HIPK2: variants seen among roughly 807,000 people sequenced by gnomAD.
The protein encoded by HIPK2 is homeodomain interacting protein kinase 2.
A neutral mutation model predicts 113.7 loss-of-function variants in HIPK2; 27 were observed. The observed-to-expected ratio is 0.24, with a 90% CI of 0.17 to 0.33. The LOEUF (loss-of-function observed/expected upper bound fraction) is 0.33, where lower values mean the gene tolerates loss of function less well. Ranked by LOEUF, HIPK2 falls within the 10% of genes least tolerant of loss-of-function variation. The pLI is 1.00. For synonymous variants in HIPK2, 631 were observed against 642.2 expected (o/e 0.98, Z 0.26); for missense variants, 1,257 against 1,588.0 (o/e 0.79, Z 3.54).
chr7:139,631,140 G>A lies in HIPK2; in HGVS notation c.1347+25C>T. 1.3e-6 allele frequency: 2 copies of A among 1,596,774 alleles called. No individual in the cohort carries two copies. The highest frequency in any genetic ancestry group is 8.5e-7 in the Non-Finnish European group (1 of 1,171,228). Reference sequence around the variant, plus strand: ...TTCCCTAAGCGCTGGGCCACTGTGAGGAGTGGAGGAGACGCTCTTCCTACC... The same window carrying A: ...TTCCCTAAGCGCTGGGCCACTGTGAAGAGTGGAGGAGACGCTCTTCCTACC... On this transcript the variant is annotated intron_variant, in intron 4 of 14. Transcript: ENST00000406875. This position sits in a 1 kb window ranked among gnomAD's most constrained non-coding sequence, Gnocchi z 4.9.
intron 9 of HIPK2, among the ~76,000 whole-genome samples, chr7:139,611,670 T>C (rs1469684609): frequency 6.6e-6 from 1 of 152,158 alleles, no homozygotes; most frequent in East Asian, 1.9e-4. Context: ...GCCTCCTGTG[T>C]ATCTGGGACT....
Position 139,647,632 on chromosome 7 carries a change from G to A in HIPK2, c.1104-15907C>T, listed in dbSNP as rs538085457. Among the ~76,000 whole-genome samples the A allele has an allele frequency of 4.6e-5, 7 of 152,062 alleles. No homozygotes were observed. In the South Asian group the frequency reaches 1.4e-3, roughly 31 times the overall value. ...TCTAGATATCTATATATATGCTGAG[G>A]AATAGTGGGTGAAAAGCAGGTGATA... On this transcript the variant is annotated intron_variant, in intron 2 of 14. Coordinates refer to ENST00000406875, the MANE Select transcript of HIPK2 (RefSeq NM_022740.5).
intron 10 of HIPK2, 61 bp from the exon 11 acceptor site, chr7:139,600,657 T>G: frequency 6.4e-7 from 1 of 1,554,276 alleles, no homozygotes; most frequent in Non-Finnish European, 8.8e-7. Context: ...AGCTCCTCTA[T>G]AAGATCAAGC....
chr7:139,702,034 C>T (rs1794723457), intron 2 of HIPK2, among the ~76,000 whole-genome samples: 1 of 152,164 alleles, frequency 6.6e-6, no homozygotes, highest in East Asian at 1.9e-4. Flanking sequence ...AAGCAGGGAG[C>T]ACACGAGGAG....
At chr7:139,740,863 C>T (rs1490491430) in intron 1 of HIPK2, among the ~76,000 whole-genome samples, 3 of 152,150 alleles carry the variant, frequency 2.0e-5, no homozygotes, top group Admixed American at 2.0e-4. Context: ...AGTACAAATT[C>T]CGGCCAGGCG....
chr7:139,583,780 A>T (rs1199952231), intron 13 of HIPK2, 37 bp downstream of exon 13: 3 of 1,594,484 alleles, frequency 1.9e-6, no homozygotes, highest in Non-Finnish European at 2.6e-6. Context: ...ACCACTCTCC[A>T]GGGAGAGGTT....
intron 2 of HIPK2, among the ~76,000 whole-genome samples, chr7:139,648,760 G>A (rs1451125820): frequency 1.3e-5 from 2 of 151,920 alleles, no homozygotes; most frequent in Admixed American, 1.3e-4. Context: ...AGTGGAGGGC[G>A]GAGCAGAAGG....
At position 139,564,701 on chromosome 7, in the gene HIPK2, G is replaced by A. The variant is rs1422297731; in HGVS notation, c.*8226C>T. 1 of 152,154 alleles carries A rather than the reference G, an allele frequency of 6.6e-6. No homozygotes were observed. The highest frequency in any genetic ancestry group is 1.5e-5 in the Non-Finnish European group (1 of 68,028). 9.4% of individuals were successfully genotyped at this position (152,154 alleles called of 1,614,324 possible). A position where few individuals can be genotyped will look rare whatever the true frequency, so the allele number is the denominator to read the frequency against. On this transcript the variant is annotated 3_prime_UTR_variant, in exon 15 of 15. Coordinates refer to ENST00000406875, the MANE Select transcript of HIPK2 (RefSeq NM_022740.5). ...ACCTCCAACTAAGAGGCATTCACTG[G>A]GGTTTGCGGATGTCAGTTATAAACA...
intron 9 of HIPK2, among the ~76,000 whole-genome samples, chr7:139,606,832 TA>T (rs1405336328): frequency 1.3e-5 from 2 of 152,200 alleles, no homozygotes; most frequent in Admixed American, 1.3e-4. Context: ...ATTAGTTTTT[TA>T]GTGCTTTAGT....
chr7:139,719,018 A>T (rs917726388), intron 1 of HIPK2, among the ~76,000 whole-genome samples: 2 of 152,088 alleles, frequency 1.3e-5, no homozygotes, highest in African/African-American at 4.8e-5. Context: ...GCAACATCTG[A>T]TACTGCTGAC....
intron 1 of HIPK2, among the ~76,000 whole-genome samples, chr7:139,756,291 G>C (rs1271772164): frequency 6.6e-6 from 1 of 152,166 alleles, no homozygotes; most frequent in African/African-American, 2.4e-5. Flanking sequence ...TGACATTAAA[G>C]AGAAATATTT....
chr7:139,763,687 C>T (rs1218627358), intron 1 of HIPK2, among the ~76,000 whole-genome samples: 2 of 152,182 alleles, frequency 1.3e-5, no homozygotes, highest in African/African-American at 2.4e-5. Context: ...AACAGTCTGT[C>T]GTCATTATTC....
In HIPK2 at chr7:139,596,883, A is replaced by G. The variant is rs774155562; in HGVS notation, c.2551T>C (p.Cys851Arg). ...RCAMVHSSPA[C>R]STSVTCGWGD... Reference sequence around the variant, plus strand: ...CACCCACAGGTGACCGAGGTGCTGCAGGCCGGGCTACTGTGCACCATGGCA... The same window carrying G: ...CACCCACAGGTGACCGAGGTGCTGCGGGCCGGGCTACTGTGCACCATGGCA... The change falls in exon 12 of 15, where the codon TGC becomes CGC. Residue 851 changes from cysteine (C) to arginine (R), a missense_variant. Physicochemically the swap from Cys to Arg is radical, Grantham distance 180. This residue lies in a region of HIPK2 where 862 missense variants were observed against 1,004.3 expected (regional missense o/e 0.86). Transcript: ENST00000406875. The G allele has an allele frequency of 6.2e-7, 1 of 1,613,914 alleles. No individual in the cohort carries two copies. The highest frequency in any genetic ancestry group is 1.1e-5 in the South Asian group (1 of 91,076).
intron 6 of HIPK2, among the ~76,000 whole-genome samples, chr7:139,622,568 G>C (rs1223768801): frequency 6.6e-6 from 1 of 152,140 alleles, no homozygotes. Flanking sequence ...TAAGAAGATT[G>C]GTTTTTTAAA....
chr7:139,762,915 G>A lies in HIPK2; in HGVS notation c.19+14690C>T, dbSNP rs146806404. ...TAAGTGTCATGAAGGAAAAGAAGAG[G>A]GTGCTCTGAGATGAGAAGAGGGGAA... On this transcript the variant is annotated intron_variant, in intron 1 of 14. Coordinates refer to ENST00000406875, the MANE Select transcript of HIPK2 (RefSeq NM_022740.5). 6.7e-3 allele frequency among the ~76,000 whole-genome samples: 1,016 copies of A among 152,282 alleles called. 7 individuals are homozygous for A. Among genetic ancestry groups the A allele is most frequent in the African/African-American group, 0.022 (932 of 41,544 alleles).
chr7:139,587,590 G>T (rs1236576545), intron 12 of HIPK2, among the ~76,000 whole-genome samples: 1 of 151,938 alleles, frequency 6.6e-6, no homozygotes, highest in Non-Finnish European at 1.5e-5. Context: ...GGGTGGGAGG[G>T]CACTGAGATC....
chr7:139,739,952 C>T (rs1398985286), intron 1 of HIPK2, among the ~76,000 whole-genome samples: 4 of 152,206 alleles, frequency 2.6e-5, no homozygotes, highest in East Asian at 1.9e-4. Flanking sequence ...TGTGTATCCA[C>T]TTGTCAGCTT....
chr7:139,578,633 A>G (rs1482792008), intron 13 of HIPK2, among the ~76,000 whole-genome samples: 1 of 152,202 alleles, frequency 6.6e-6, no homozygotes, highest in Non-Finnish European at 1.5e-5. Context: ...TGTGCTTGAA[A>G]TATTTTTATC....
At chr7:139,742,569 T>C (rs1221191872) in intron 1 of HIPK2, among the ~76,000 whole-genome samples, 1 of 152,188 alleles carries the variant, frequency 6.6e-6, no homozygotes, top group African/African-American at 2.4e-5. Context: ...TGAAAAATAA[T>C]GGATTGGATA....
Sources: gnomAD v4.1 joint callset for allele counts (sites outside exome capture counted in the v4.1 genomes callset) on GRCh38, gnomAD v4.1.1 for gene constraint, gnomAD v4.1.1 regional missense constraint, Gnocchi (gnomAD v3.1) non-coding constraint, MANE v1.5 for transcripts, NCBI Gene and HGNC (gene_info 2026-07-23, HGNC 2026-07-21) for gene names.